CDK14: variants seen among roughly 807,000 people sequenced by gnomAD.
CDK14 encodes cyclin dependent kinase 14.
In CDK14, 34 loss-of-function variants were observed where a neutral mutation model predicts 60.7. That is an observed-to-expected ratio of 0.56 (90% CI 0.43 to 0.75). CDK14 has a LOEUF of 0.75. CDK14 is among the 30% of genes least tolerant of loss of function. The pLI is 0.00. For missense variants in CDK14, 482 were observed against 564.1 expected, an observed-to-expected ratio of 0.85 and a Z score of 1.47; for synonymous variants, 197 against 203.7, an observed-to-expected ratio of 0.97 and a Z score of 0.28.
chr7:91,069,412 G>A (rs1437134468), intron 11 of CDK14, among the ~76,000 whole-genome samples: 1 of 152,080 alleles, frequency 6.6e-6, no homozygotes, highest in East Asian at 1.9e-4. Context: ...ATGGTGGTGA[G>A]TGCCTGTAGT....
chr7:90,896,750 T>G (rs1792349358), intron 6 of CDK14, among the ~76,000 whole-genome samples: 1 of 152,172 alleles, frequency 6.6e-6, no homozygotes, highest in South Asian at 2.1e-4. Flanking sequence ...AAATGAATGC[T>G]GTTGTTCCAA....
At chr7:90,698,524 G>T (rs536082417) in intron 2 of CDK14, among the ~76,000 whole-genome samples, 5 of 152,254 alleles carry the variant, frequency 3.3e-5, no homozygotes, top group African/African-American at 1.2e-4. Context: ...CCAATTATTT[G>T]TGTATATTTT....
At chr7:90,883,970 C>T (rs546850097) in intron 6 of CDK14, among the ~76,000 whole-genome samples, 1 of 152,302 alleles carries the variant, frequency 6.6e-6, no homozygotes, top group South Asian at 2.1e-4. Context: ...GACAAACCCA[C>T]AGCCAATATC....
intron 2 of CDK14, among the ~76,000 whole-genome samples, chr7:90,703,824 A>G (rs1366696986): frequency 6.6e-6 from 1 of 152,180 alleles, no homozygotes; most frequent in Non-Finnish European, 1.5e-5. Context: ...GGTGGTGCAC[A>G]CCTGTAATCC....
rs559257900 is a variant in CDK14, at chr7:90,635,161, G to T, written c.123+30912G>T. On this transcript the variant is annotated intron_variant, in intron 2 of 14. Transcript: ENST00000380050. ...AATTAGATCCCATTTGTCAATTTTG[G>T]CTTTTGTTGCCATTGCTTTTGGTGT... is the stretch of plus-strand genomic sequence containing the variant. 4.7e-4 allele frequency among the ~76,000 whole-genome samples: 71 copies of T among 152,138 alleles called. 2 individuals carry two copies. In the South Asian group the frequency reaches 6.0e-3, roughly 13 times the overall value.
intron 5 of CDK14, among the ~76,000 whole-genome samples, chr7:90,832,423 T>C (rs1035574416): frequency 6.6e-6 from 1 of 152,180 alleles, no homozygotes; most frequent in African/African-American, 2.4e-5. Flanking sequence ...ATTGGACCCA[T>C]AGCTGATTGA....
chr7:90,736,566 A>C (rs1803124328), intron 3 of CDK14, among the ~76,000 whole-genome samples: 1 of 152,024 alleles, frequency 6.6e-6, no homozygotes, highest in South Asian at 2.1e-4. Flanking sequence ...TAGAGGATGT[A>C]ACAATGACTG....
chr7:91,202,916 C>G (rs148833472), intron 14 of CDK14, among the ~76,000 whole-genome samples: 202 of 152,088 alleles, frequency 1.3e-3, no homozygotes, highest in Non-Finnish European at 2.5e-3. Context: ...CTGTTTATGC[C>G]CTAGGTTAGG....
Position 91,180,681 on chromosome 7 carries a change from C to G in CDK14, c.*29-26484C>G, listed in dbSNP as rs150162185. 2.6e-5 allele frequency among the ~76,000 whole-genome samples: 4 copies of G among 152,212 alleles called. No homozygotes were observed. In the East Asian group the frequency reaches 7.7e-4, roughly 29 times the overall value. ...GATAAGTAATGGAGTAGATGAGGGT[C>G]TCTCCACGAGGTCAGGGAGAAGAAC... On this transcript the variant is annotated intron_variant, in intron 14 of 14. Transcript: ENST00000380050.
intron 14 of CDK14, among the ~76,000 whole-genome samples, chr7:91,122,895 C>G (rs981773555): frequency 1.3e-5 from 2 of 152,192 alleles, no homozygotes; most frequent in African/African-American, 2.4e-5. Context: ...AGGTCAGGCT[C>G]TGAGCCCTGA....
intron 12 of CDK14, among the ~76,000 whole-genome samples, chr7:91,108,467 G>A (rs529118721): frequency 6.6e-6 from 1 of 152,232 alleles, no homozygotes; most frequent in African/African-American, 2.4e-5. Flanking sequence ...GAGATATTGG[G>A]TGCCAAAATA....
rs577372355 is a variant in CDK14 at position 90,651,619 on chromosome 7, T to C, written c.123+47370T>C. ...TGAGTGGAACAGTTATTAAGGTTTC[T>C]GGATATGTCACCCCTCACAATTACA... On this transcript the variant is annotated intron_variant, in intron 2 of 14. Coordinates refer to ENST00000380050, the MANE Select transcript of CDK14 (RefSeq NM_001287135.2). 2.6e-5 allele frequency among the ~76,000 whole-genome samples: 4 copies of C among 152,328 alleles called. No homozygotes were observed. In the South Asian group the frequency reaches 8.3e-4, roughly 32 times the overall value.
At chr7:90,635,760 C>A (rs1800129959) in intron 2 of CDK14, among the ~76,000 whole-genome samples, 6 of 152,080 alleles carry the variant, frequency 3.9e-5, no homozygotes, top group Admixed American at 3.9e-4. Flanking sequence ...TTCTTCCTAT[C>A]CATGAGCATG....
chr7:91,082,505 G>A lies in CDK14; in HGVS notation c.1154+3025G>A, dbSNP rs191439645. The stretch of plus-strand genomic sequence containing the variant: ...TTCTCCTAAGAACTTATAAAAATTG[G>A]TATTCTAAATTGTGTAGTAAATACA... On this transcript the variant is annotated intron_variant, in intron 12 of 14. Transcript: ENST00000380050. Among the ~76,000 whole-genome samples the A allele has an allele frequency of 1.7e-3, 257 of 152,214 alleles. 1 individual carries two copies. The highest frequency in any genetic ancestry group is 3.2e-3 in the Non-Finnish European group (220 of 68,000).
chr7:91,017,034 A>C (rs1174848592), intron 10 of CDK14, among the ~76,000 whole-genome samples: 6 of 152,220 alleles, frequency 3.9e-5, no homozygotes, highest in African/African-American at 1.4e-4. Context: ...ACTGTTCTTG[A>C]GCCCCCAGTG....
At chr7:90,762,793 C>G (rs146341848) in intron 4 of CDK14, among the ~76,000 whole-genome samples, 2,791 of 152,204 alleles carry the variant, frequency 0.018, 38 homozygotes, top group Non-Finnish European at 0.025. Flanking sequence ...TGAGACCAGC[C>G]TGGGCAACAG....
chr7:90,889,463 C>T lies in CDK14; in HGVS notation c.640-9828C>T, dbSNP rs531582117. Among the ~76,000 whole-genome samples, 128 of 152,100 alleles carry T rather than the reference C, an allele frequency of 8.4e-4. 1 individual carries two copies. The highest frequency in any genetic ancestry group is 1.6e-3 in the Non-Finnish European group (106 of 68,012). On this transcript the variant is annotated intron_variant, in intron 6 of 14. Coordinates refer to ENST00000380050, the MANE Select transcript of CDK14 (RefSeq NM_001287135.2). ...CCAGGCTGCCCGTACATTTTGGATT[C>T]AGAAATGACAGCTGAAATCATTTAG...
intron 11 of CDK14, among the ~76,000 whole-genome samples, chr7:91,073,676 G>T (rs1025731723): frequency 1.3e-5 from 2 of 151,964 alleles, no homozygotes; most frequent in African/African-American, 4.8e-5. Context: ...ATGTAAATGG[G>T]CTACATGCCC....
At chr7:90,786,851 G>A (rs1805604214) in intron 4 of CDK14, among the ~76,000 whole-genome samples, 1 of 149,274 alleles carries the variant, frequency 6.7e-6, no homozygotes, top group South Asian at 2.1e-4. Context: ...CCCCGGAGAT[G>A]GAGGCTGGAG....
Sources: gnomAD v4.1 joint callset for allele counts (sites outside exome capture counted in the v4.1 genomes callset) on GRCh38, gnomAD v4.1.1 for gene constraint, MANE v1.5 for transcripts, NCBI Gene and HGNC (gene_info 2026-07-23, HGNC 2026-07-21) for gene names.